Variants in PTPRD observed in about 807,000 individuals in gnomAD.
The protein encoded by PTPRD is receptor-type tyrosine-protein phosphatase delta.
PTPRD carries 34 observed loss-of-function variants against 214.5 expected under a neutral mutation model. The observed-to-expected ratio is 0.16, with a 90% CI of 0.12 to 0.21. The LOEUF (loss-of-function observed/expected upper bound fraction) is 0.21. PTPRD is among the 10% of genes least tolerant of loss of function. The pLI, the probability that PTPRD is intolerant of heterozygous loss-of-function variation, is 1.00. For synonymous variants in PTPRD, 1,128 were observed against 845.7 expected (o/e 1.33, Z -5.79); for missense variants, 2,545 against 2,398.7 (o/e 1.06, Z -1.27).
At chr9:8,874,324 T>C (rs1036685327) in intron 11 of PTPRD, among the ~76,000 whole-genome samples, 5 of 152,098 alleles carry the variant, frequency 3.3e-5, no homozygotes, top group Non-Finnish European at 7.4e-5. Context: ...TTGTTCCTCG[T>C]AGATGTTCAT....
At chr9:9,004,621 C>A (rs1339506564) in intron 11 of PTPRD, among the ~76,000 whole-genome samples, 1 of 151,854 alleles carries the variant, frequency 6.6e-6, no homozygotes, top group African/African-American at 2.4e-5. Context: ...TGAAAAAGTA[C>A]CAGGAAAAAT....
At chr9:10,165,630 A>C (rs565636686) in intron 3 of PTPRD, among the ~76,000 whole-genome samples, 1 of 151,948 alleles carries the variant, frequency 6.6e-6, no homozygotes, top group African/African-American at 2.4e-5. Context: ...AATTAAGAAT[A>C]AATCATGGCC....
chr9:8,690,604 A>G (rs1234207144), intron 12 of PTPRD, among the ~76,000 whole-genome samples: 1 of 152,140 alleles, frequency 6.6e-6, no homozygotes, highest in African/African-American at 2.4e-5. Flanking sequence ...TCAAGAGAAC[A>G]CAATATGTTT....
intron 2 of PTPRD, among the ~76,000 whole-genome samples, chr9:10,571,280 TGTTAAA>T (rs1363544175): frequency 6.6e-6 from 1 of 152,150 alleles, no homozygotes; most frequent in Non-Finnish European, 1.5e-5. Flanking sequence ...TACTTGACTT[TGTTAAA>T]GTTAATTAAA....
At chr9:8,368,557 T>G (rs562377252) in intron 39 of PTPRD, among the ~76,000 whole-genome samples, 66 of 152,250 alleles carry the variant, frequency 4.3e-4, no homozygotes, top group African/African-American at 1.5e-3. Context: ...TTATGCTTCT[T>G]TTCAAATAAA....
chr9:9,074,865 G>A (rs1320102427), intron 10 of PTPRD, among the ~76,000 whole-genome samples: 1 of 150,728 alleles, frequency 6.6e-6, no homozygotes, highest in Non-Finnish European at 1.5e-5. Context: ...GTTTCATTCT[G>A]AGGAAAAGAA....
chr9:10,223,108 T>C lies in PTPRD; in HGVS notation c.-545+117855A>G, dbSNP rs151283234. On this transcript the variant is annotated intron_variant, in intron 3 of 45. Coordinates refer to ENST00000381196, the MANE Select transcript of PTPRD (RefSeq NM_002839.4). ...CATTGTTTCTGCTCTATTCAATTAC[T>C]TTGTTTCTTTTTGTTTTGTTCCTTC... Among the ~76,000 whole-genome samples the C allele has an allele frequency of 1.1e-4, 16 of 152,116 alleles. No individual in the cohort carries two copies. In the East Asian group the frequency reaches 3.1e-3, roughly 30 times the overall value.
intron 2 of PTPRD, among the ~76,000 whole-genome samples, chr9:10,395,620 T>C (rs1363646114): frequency 6.6e-6 from 1 of 151,976 alleles, no homozygotes; most frequent in African/African-American, 2.4e-5. Context: ...ATATAACTAA[T>C]GACTAATTGT....
intron 3 of PTPRD, among the ~76,000 whole-genome samples, chr9:10,124,317 A>G (rs1302396564): frequency 1.3e-5 from 2 of 152,202 alleles, no homozygotes; most frequent in Admixed American, 6.5e-5. Flanking sequence ...TTATTTTACA[A>G]TTTTCCCAAC....
At chr9:10,508,576 G>T (rs2046876832) in intron 2 of PTPRD, among the ~76,000 whole-genome samples, 1 of 152,158 alleles carries the variant, frequency 6.6e-6, no homozygotes, top group Admixed American at 6.5e-5. Flanking sequence ...AATGGATTAA[G>T]AAAATGTGGC....
At chr9:8,355,487 A>C (rs774865627) in intron 39 of PTPRD, among the ~76,000 whole-genome samples, 14 of 152,230 alleles carry the variant, frequency 9.2e-5, no homozygotes, top group Non-Finnish European at 1.5e-4. Flanking sequence ...AGCTAGTATT[A>C]AGTGTATTTA....
chr9:9,578,240 T>A (rs73388928), intron 7 of PTPRD, among the ~76,000 whole-genome samples: 4,604 of 152,152 alleles, frequency 0.03, 200 homozygotes, highest in African/African-American at 0.096. Context: ...AGAGTTGTGT[T>A]TGAATGATTT....
At chr9:8,679,525 C>T (rs2097508482) in intron 12 of PTPRD, among the ~76,000 whole-genome samples, 2 of 152,318 alleles carry the variant, frequency 1.3e-5, no homozygotes, top group South Asian at 4.1e-4. Context: ...CACTGTCAGA[C>T]AGCATAGAAC....
At chr9:9,118,630 T>C (rs532511976) in intron 10 of PTPRD, among the ~76,000 whole-genome samples, 1 of 152,292 alleles carries the variant, frequency 6.6e-6, no homozygotes, top group South Asian at 2.1e-4. Flanking sequence ...CTTATATGTA[T>C]AAAGATGCAG....
chr9:9,240,381 A>G (rs1371112311), intron 9 of PTPRD, among the ~76,000 whole-genome samples: 8 of 152,156 alleles, frequency 5.3e-5, no homozygotes, highest in Non-Finnish European at 1.2e-4. Flanking sequence ...AAACATAAAA[A>G]TTCTTTCTAG....
At chr9:9,811,128 C>G (rs1441654182) in intron 5 of PTPRD, among the ~76,000 whole-genome samples, 1 of 152,086 alleles carries the variant, frequency 6.6e-6, no homozygotes, top group African/African-American at 2.4e-5. Flanking sequence ...ATTCCAGCTA[C>G]TCAGGAGGCT....
intron 14 of PTPRD, among the ~76,000 whole-genome samples, chr9:8,627,974 G>C (rs998436553): frequency 6.6e-6 from 1 of 151,888 alleles, no homozygotes; most frequent in African/African-American, 2.4e-5. Flanking sequence ...TGTATTCCAA[G>C]TACTCAACTA....
At chr9:10,097,072 G>A (rs1455125994) in intron 3 of PTPRD, among the ~76,000 whole-genome samples, 1 of 150,852 alleles carries the variant, frequency 6.6e-6, no homozygotes, top group African/African-American at 2.4e-5. Context: ...ATTTCTGAGG[G>A]CTCTGTTCTG....
In PTPRD at chr9:9,692,168, C is replaced by T. The variant is rs117340470; in HGVS notation, c.-287+42365G>A. Among the ~76,000 whole-genome samples the T allele has an allele frequency of 5.9e-3, 902 of 152,112 alleles. 6 individuals carry two copies. The highest frequency in any genetic ancestry group is 0.011 in the Non-Finnish European group (716 of 67,974). On this transcript the variant is annotated intron_variant, in intron 7 of 45. Coordinates refer to ENST00000381196, the MANE Select transcript of PTPRD (RefSeq NM_002839.4). ...TCCATTTTTGCTTTGGTTGCCTATG[C>T]TTGTGGGATATTCATGAAGAAACAT...
Sources: allele counts gnomAD v4.1 joint callset (sites outside exome capture counted in the v4.1 genomes callset), GRCh38; gene constraint gnomAD v4.1.1; transcripts MANE v1.5; gene names NCBI Gene and HGNC (gene_info 2026-07-23, HGNC 2026-07-21).